The following MEF2A variants were observed in gnomAD, a reference collection of about 807,000 sequenced individuals.
The protein encoded by MEF2A is myocyte-specific enhancer factor 2A.
MEF2A carries 28 observed loss-of-function variants against 55.8 expected under a neutral mutation model. That is an observed-to-expected ratio of 0.50 (90% confidence interval 0.37 to 0.69). MEF2A has a LOEUF of 0.69. Ranked by LOEUF, MEF2A falls within the 30% of genes least tolerant of loss-of-function variation. MEF2A has a pLI of 0.00. For missense variants in MEF2A, 528 were observed against 626.2 expected (o/e 0.84, Z 1.67); for synonymous variants, 239 against 227.1 (o/e 1.05, Z -0.47).
At chr15:99,610,812 A>G (rs1976987693) in intron 2 of MEF2A, among the ~76,000 whole-genome samples, 1 of 152,260 alleles carries the variant, frequency 6.6e-6, no homozygotes, top group Non-Finnish European at 1.5e-5. Context: ...AGCTAAAACT[A>G]TATAGGCTAA....
intron 3 of MEF2A, among the ~76,000 whole-genome samples, chr15:99,636,581 C>G (rs749867841): frequency 1.3e-5 from 2 of 152,200 alleles, no homozygotes; most frequent in Non-Finnish European, 2.9e-5. Context: ...TTAAGTGATC[C>G]TCCTGCCTTG....
intron 7 of MEF2A, among the ~76,000 whole-genome samples, chr15:99,683,066 T>C (rs1357600427): frequency 1.3e-5 from 2 of 152,232 alleles, no homozygotes; most frequent in East Asian, 1.9e-4. Context: ...CTGTCTGGCT[T>C]AGCGGTTACC....
chr15:99,675,563 G>C, intron 7 of MEF2A, 105 bp downstream of exon 7: 2 of 928,342 alleles, frequency 2.2e-6, no homozygotes, highest in Non-Finnish European at 3.4e-6. Flanking sequence ...CTTCTGAAGG[G>C]TACTTTCACT....
rs551773348 is a variant in MEF2A, at chr15:99,704,704, A to G, written c.882+1319A>G. Among the ~76,000 whole-genome samples the G allele has an allele frequency of 7.2e-5, 11 of 152,350 alleles. No individual in the cohort carries two copies. The South Asian group carries it at 2.3e-3, about 32-fold the overall frequency. ...ATGAAGATGATGCCATGGAGTAGGT[A>G]GGGTCCAGGCCAAACTATGTCATAC... On this transcript the variant is annotated intron_variant, in intron 9 of 11. Coordinates refer to ENST00000557942, the MANE Select transcript of MEF2A (RefSeq NM_001319206.4).
At chr15:99,634,390 A>G (rs867959910) in intron 3 of MEF2A, among the ~76,000 whole-genome samples, 1 of 152,198 alleles carries the variant, frequency 6.6e-6, no homozygotes, top group South Asian at 2.1e-4. Context: ...TATCCATGCT[A>G]TTATTCCAAA....
At chr15:99,628,391 T>C (rs2042378324) in intron 2 of MEF2A, among the ~76,000 whole-genome samples, 2 of 152,204 alleles carry the variant, frequency 1.3e-5, no homozygotes, top group Admixed American at 1.3e-4. Flanking sequence ...AATCCACTTC[T>C]ATTATCTTCT....
chr15:99,596,867 T>A (rs1025974413), intron 1 of MEF2A, among the ~76,000 whole-genome samples: 1 of 152,220 alleles, frequency 6.6e-6, no homozygotes, highest in African/African-American at 2.4e-5. Context: ...ACGGAGGGAC[T>A]GGCTGAAGCC....
At chr15:99,596,131 C>T (rs532791889) in intron 1 of MEF2A, among the ~76,000 whole-genome samples, 1 of 152,032 alleles carries the variant, frequency 6.6e-6, no homozygotes, top group African/African-American at 2.4e-5. Context: ...AAACTAGGTA[C>T]AACATACATC....
intron 3 of MEF2A, among the ~76,000 whole-genome samples, chr15:99,642,777 AGAG>A (rs2094534839): frequency 6.6e-6 from 1 of 152,234 alleles, no homozygotes. Context: ...GGATCCTCTC[AGAG>A]GACACTGCCA....
At chr15:99,644,636 T>C (rs1410479761) in intron 3 of MEF2A, among the ~76,000 whole-genome samples, 4 of 152,262 alleles carry the variant, frequency 2.6e-5, no homozygotes, top group Non-Finnish European at 5.9e-5. Flanking sequence ...TTTATGTTGT[T>C]GCACAATTCC....
intron 7 of MEF2A, among the ~76,000 whole-genome samples, chr15:99,684,504 G>T (rs918365978): frequency 1.3e-5 from 2 of 152,170 alleles, no homozygotes; most frequent in Non-Finnish European, 2.9e-5. Context: ...GGCAATTTGT[G>T]TATCTGCTTT....
At chr15:99,630,568 G>T (rs1277299981) in intron 2 of MEF2A, among the ~76,000 whole-genome samples, 2 of 152,076 alleles carry the variant, frequency 1.3e-5, no homozygotes, top group Non-Finnish European at 2.9e-5. Flanking sequence ...CTTGGTTTCA[G>T]TTGGGTTTTG....
intron 7 of MEF2A, among the ~76,000 whole-genome samples, chr15:99,681,405 A>G (rs151241624): frequency 1.3e-5 from 2 of 152,358 alleles, no homozygotes; most frequent in African/African-American, 4.8e-5. Context: ...TGACAGCAGC[A>G]TGTCTGGGTG....
chr15:99,611,252 C>A (rs1977182411), intron 2 of MEF2A, among the ~76,000 whole-genome samples: 1 of 152,090 alleles, frequency 6.6e-6, no homozygotes, highest in Non-Finnish European at 1.5e-5. Context: ...AAAAACAAAA[C>A]AAAACAAAAC....
At chr15:99,621,684 G>T (rs541810542) in intron 2 of MEF2A, among the ~76,000 whole-genome samples, 1 of 152,114 alleles carries the variant, frequency 6.6e-6, no homozygotes, top group African/African-American at 2.4e-5. Context: ...ATTTTCACTT[G>T]TCCATGACCA....
At chr15:99,610,284 C>G (rs760106394) in intron 2 of MEF2A, among the ~76,000 whole-genome samples, 2 of 151,932 alleles carry the variant, frequency 1.3e-5, no homozygotes, top group Non-Finnish European at 2.9e-5. Flanking sequence ...TTAAAGAAGA[C>G]CTAAATAAAT....
intron 1 of MEF2A, among the ~76,000 whole-genome samples, 155 bp from the exon 2 acceptor site, chr15:99,598,275 A>G (rs1420305680): frequency 6.6e-6 from 1 of 152,226 alleles, no homozygotes; most frequent in African/African-American, 2.4e-5. Context: ...TTTATTCCAA[A>G]TAAATGACTT....
intron 1 of MEF2A, among the ~76,000 whole-genome samples, chr15:99,572,364 C>T (rs988892331): frequency 6.6e-6 from 1 of 152,240 alleles, no homozygotes; most frequent in Non-Finnish European, 1.5e-5. Flanking sequence ...ACTTCTCACT[C>T]AGAGGCCTAA....
chr15:99,646,466 C>T (rs994949074), intron 4 of MEF2A, among the ~76,000 whole-genome samples: 3 of 151,942 alleles, frequency 2.0e-5, no homozygotes, highest in Admixed American at 6.6e-5. Context: ...TTCATAGTTA[C>T]TTTTGTCTCT....
Sources: gnomAD v4.1 joint callset for allele counts (sites outside exome capture counted in the v4.1 genomes callset) on GRCh38, gnomAD v4.1.1 for gene constraint, MANE v1.5 for transcripts, NCBI Gene and HGNC (gene_info 2026-07-23, HGNC 2026-07-21) for gene names.